The following AKAP19 variants were observed in gnomAD, a reference collection of about 807,000 sequenced individuals.
AKAP19 encodes A-kinase anchoring protein 19.
the AKAP19 span, among the ~76,000 whole-genome samples, chr2:190,027,483 T>C: frequency 6.6e-6 from 1 of 152,216 alleles, no homozygotes; most frequent in Non-Finnish European, 1.5e-5. Context: ...GTGGCATTCT[T>C]ATTTTAAAAT....
chr2:190,163,455 C>CAA, the AKAP19 span, among the ~76,000 whole-genome samples: 575 of 136,664 alleles, frequency 4.2e-3, 1 homozygote, highest in Middle Eastern at 0.011. Flanking sequence ...AAACAAAAAA[C>CAA]AAAAAAAAAA....
the AKAP19 span, among the ~76,000 whole-genome samples, chr2:190,191,297 T>G: frequency 6.6e-6 from 1 of 152,208 alleles, no homozygotes; most frequent in South Asian, 2.1e-4. Context: ...TGTGCACCAC[T>G]ATGCCCTGCT....
At chr2:190,154,308 T>A in the AKAP19 span, among the ~76,000 whole-genome samples, 1 of 152,232 alleles carries the variant, frequency 6.6e-6, no homozygotes, top group African/African-American at 2.4e-5. Flanking sequence ...TTTGTTTCTG[T>A]TATTCTTTTC....
the AKAP19 span, among the ~76,000 whole-genome samples, chr2:189,985,842 T>G: frequency 1.3e-5 from 2 of 152,010 alleles, no homozygotes; most frequent in Non-Finnish European, 2.9e-5. Context: ...CAATAGAAAA[T>G]GAATATAATA....
chr2:190,034,018 G>A, the AKAP19 span, among the ~76,000 whole-genome samples: 1 of 151,960 alleles, frequency 6.6e-6, no homozygotes, highest in Non-Finnish European at 1.5e-5. Context: ...GTGTATTTAT[G>A]GCACATGTAT....
the AKAP19 span, among the ~76,000 whole-genome samples, chr2:190,098,711 A>G: frequency 1.3e-5 from 2 of 152,330 alleles, no homozygotes; most frequent in Non-Finnish European, 2.9e-5. Flanking sequence ...TCTAGCTATG[A>G]AAGTCCTAGA....
the AKAP19 span, among the ~76,000 whole-genome samples, chr2:190,083,183 A>G: frequency 6.6e-6 from 1 of 152,154 alleles, no homozygotes; most frequent in Admixed American, 6.5e-5. Flanking sequence ...GTTTGAGACA[A>G]GCCTGGGCAA....
the AKAP19 span, among the ~76,000 whole-genome samples, chr2:190,196,460 T>G: frequency 1.6e-4 from 24 of 152,014 alleles, no homozygotes; most frequent in Non-Finnish European, 2.8e-4. Context: ...TTTATTTTCT[T>G]GGGTATACTT....
chr2:189,916,723 A>T, the AKAP19 span, among the ~76,000 whole-genome samples: 2 of 152,172 alleles, frequency 1.3e-5, no homozygotes, highest in Non-Finnish European at 2.9e-5. Flanking sequence ...AACTTTTATG[A>T]TTGGCTTCTT....
chr2:190,123,221 C>A, the AKAP19 span, among the ~76,000 whole-genome samples: 7 of 152,144 alleles, frequency 4.6e-5, no homozygotes, highest in Non-Finnish European at 1.0e-4. Flanking sequence ...ATTTTCTCAT[C>A]AATCCTTTTT....
At chr2:190,095,620 G>C in the AKAP19 span, 1 of 152,210 alleles carries the variant, frequency 6.6e-6, no homozygotes, top group African/African-American at 2.4e-5. Context: ...ATAAATTTCT[G>C]TTGTTTATCA....
the AKAP19 span, chr2:190,181,258 C>T: frequency 6.6e-6 from 4 of 608,042 alleles, no homozygotes; most frequent in African/African-American, 8.0e-5. Context: ...CAGCCAGCTG[C>T]CGTGGATAGA....
At chr2:190,115,135 G>A in the AKAP19 span, among the ~76,000 whole-genome samples, 1 of 135,670 alleles carries the variant, frequency 7.4e-6, no homozygotes, top group South Asian at 2.5e-4. Context: ...GAGAGAGAGA[G>A]AAAGAGTGTG....
the AKAP19 span, among the ~76,000 whole-genome samples, chr2:189,930,010 G>A: frequency 4.4e-3 from 673 of 152,240 alleles, 6 homozygotes; most frequent in African/African-American, 0.015. Context: ...CTATGTACTG[G>A]AGCAATAACA....
chr2:189,880,621 T>TA, the AKAP19 span, among the ~76,000 whole-genome samples: 1 of 152,224 alleles, frequency 6.6e-6, no homozygotes, highest in Non-Finnish European at 1.5e-5. Context: ...GTGAGATGTT[T>TA]AACCTTTTAT....
the AKAP19 span, chr2:190,202,364 A>G: frequency 6.0e-6 from 1 of 167,050 alleles, no homozygotes; most frequent in African/African-American, 2.4e-5. Context: ...TATGAACTAC[A>G]AGGCTTGCAT....
At chr2:190,149,971 G>A in the AKAP19 span, among the ~76,000 whole-genome samples, 1 of 152,214 alleles carries the variant, frequency 6.6e-6, no homozygotes, top group Non-Finnish European at 1.5e-5. Context: ...GATTATGGCT[G>A]TCTCTGCAGG....
the AKAP19 span, among the ~76,000 whole-genome samples, chr2:190,054,564 G>A: frequency 2.0e-5 from 3 of 152,140 alleles, no homozygotes; most frequent in African/African-American, 7.2e-5. Flanking sequence ...CAGAATGGGA[G>A]AAAATTTTTG....
the AKAP19 span, among the ~76,000 whole-genome samples, chr2:190,065,278 G>A: frequency 6.6e-6 from 1 of 152,118 alleles, no homozygotes; most frequent in African/African-American, 2.4e-5. Context: ...CATGGTGGTT[G>A]CCAGGGACTG....
Sources: gnomAD v4.1 joint callset for allele counts (sites outside exome capture counted in the v4.1 genomes callset) on GRCh38, gnomAD v4.1.1 for gene constraint, MANE v1.5 for transcripts, NCBI Gene and HGNC (gene_info 2026-07-23, HGNC 2026-07-21) for gene names.